The following RASEF variants were observed in gnomAD, a reference collection of about 807,000 sequenced individuals.
The protein encoded by RASEF is ras and EF-hand domain-containing protein.
RASEF carries 68 observed loss-of-function variants against 90.1 expected under a neutral mutation model. The ratio of observed to expected loss-of-function variants is 0.75; its 90% CI spans 0.62 to 0.92. The LOEUF is 0.92. Ranked by LOEUF, RASEF falls within the 40% of genes least tolerant of loss-of-function variation. RASEF has a pLI of 0.00. For missense variants in RASEF, 949 were observed against 937.2 expected, an observed-to-expected ratio of 1.01 and a Z score of -0.16; for synonymous variants, 331 against 345.2, an observed-to-expected ratio of 0.96 and a Z score of 0.46.
the RASEF span, among the ~76,000 whole-genome samples, chr9:83,109,731 T>G: frequency 6.6e-6 from 1 of 152,196 alleles, no homozygotes; most frequent in Non-Finnish European, 1.5e-5. Flanking sequence ...GCTGACAATT[T>G]GTTAATCAAA....
the RASEF span, among the ~76,000 whole-genome samples, chr9:83,146,172 T>C: frequency 1.3e-5 from 2 of 151,560 alleles, no homozygotes; most frequent in Non-Finnish European, 2.9e-5. Context: ...AGTTTGTTTT[T>C]CGTAAGATGT....
In RASEF at chr9:83,062,541, C is replaced by CTCGTCGCCT. The variant is rs1830228418; in HGVS notation, c.318_326dup (p.Gly107_Glu109dup). ...AGGTGGCCAGCGCCGCCGCCGCGTC[C>CTCGTCGCCT]TCGTCGCCTTCGTCCTCCTCGCTGT... is the stretch of plus-strand genomic sequence containing the variant. On this transcript the variant is annotated inframe_insertion, in exon 1 of 17. Transcript: ENST00000376447. 2 of 1,606,084 alleles carry CTCGTCGCCT rather than the reference C, an allele frequency of 1.2e-6. No homozygotes were observed. Among genetic ancestry groups the CTCGTCGCCT allele is most frequent in the Admixed American group, 1.7e-5 (1 of 59,464 alleles).
intron 1 of RASEF, among the ~76,000 whole-genome samples, chr9:83,056,571 A>G (rs1006881406): frequency 2.6e-5 from 4 of 152,230 alleles, no homozygotes; most frequent in African/African-American, 9.7e-5. Context: ...GGCTACTTTC[A>G]TTGTACAAAT....
intron 1 of RASEF, among the ~76,000 whole-genome samples, chr9:83,034,553 C>A (rs1402735884): frequency 1.3e-5 from 2 of 152,200 alleles, no homozygotes; most frequent in Non-Finnish European, 2.9e-5. Flanking sequence ...CATTCAATGT[C>A]TAGGAACAAT....
chr9:83,215,530 T>C, the RASEF span, among the ~76,000 whole-genome samples: 5 of 152,226 alleles, frequency 3.3e-5, no homozygotes, highest in Non-Finnish European at 7.3e-5. Flanking sequence ...GCCACACTCC[T>C]GTCACACATC....
upstream of RASEF, among the ~76,000 whole-genome samples, chr9:83,067,016 T>A (rs1830286930): frequency 6.6e-6 from 1 of 152,150 alleles, no homozygotes; most frequent in Non-Finnish European, 1.5e-5. Context: ...TGGCCCAACT[T>A]CCCATAACGG....
chr9:83,167,845 C>T, the RASEF span, among the ~76,000 whole-genome samples: 3 of 152,154 alleles, frequency 2.0e-5, no homozygotes, highest in African/African-American at 7.2e-5. Flanking sequence ...GTACTTACCG[C>T]TTTTACTGCT....
rs1390509017 is a variant in RASEF at position 83,005,503 on chromosome 9, G to T, written c.1029-3C>A. On this transcript the variant is annotated splice_polypyrimidine_tract_variant and splice_region_variant and intron_variant, in intron 7 of 16. Transcript: ENST00000376447. ...CATGTAGCTTCCGGTTAGCTGTTCT[G>T]CAGGGTAAAGAAACAAGCAGAAAGA... The T allele has an allele frequency of 6.2e-6, 10 of 1,611,146 alleles. No individual in the cohort carries two copies. Among genetic ancestry groups the T allele is most frequent in the Non-Finnish European group, 8.5e-6 (10 of 1,177,508 alleles).
chr9:83,168,788 C>A, the RASEF span, among the ~76,000 whole-genome samples: 2 of 152,056 alleles, frequency 1.3e-5, no homozygotes, highest in Non-Finnish European at 2.9e-5. Flanking sequence ...GTTAAAATGG[C>A]TATTATTAAA....
At chr9:83,081,564 C>T in the RASEF span, among the ~76,000 whole-genome samples, 1 of 152,106 alleles carries the variant, frequency 6.6e-6, no homozygotes, top group Non-Finnish European at 1.5e-5. Flanking sequence ...AAACAAATTC[C>T]CTCATCTGAG....
the RASEF span, among the ~76,000 whole-genome samples, chr9:83,168,616 C>A: frequency 6.6e-6 from 1 of 151,916 alleles, no homozygotes; most frequent in East Asian, 1.9e-4. Flanking sequence ...AACTCAATAG[C>A]AAAAAAGCAA....
chr9:83,014,669 T>C (rs1042224554), intron 4 of RASEF, among the ~76,000 whole-genome samples: 1 of 152,082 alleles, frequency 6.6e-6, no homozygotes, highest in African/African-American at 2.4e-5. Flanking sequence ...CACATCCCCA[T>C]TAGTTATGGG....
chr9:83,108,219 C>T, the RASEF span, among the ~76,000 whole-genome samples: 1 of 151,958 alleles, frequency 6.6e-6, no homozygotes, highest in Non-Finnish European at 1.5e-5. Flanking sequence ...TCATTTTACC[C>T]CTTGTGAATT....
intron 3 of RASEF, among the ~76,000 whole-genome samples, chr9:83,019,771 G>A (rs897656925): frequency 3.3e-5 from 5 of 152,148 alleles, no homozygotes; most frequent in African/African-American, 9.7e-5. Flanking sequence ...TTAATTACAC[G>A]GATAAGTCTC....
At chr9:83,070,237 T>C in the RASEF span, among the ~76,000 whole-genome samples, 1 of 152,190 alleles carries the variant, frequency 6.6e-6, no homozygotes, top group Non-Finnish European at 1.5e-5. Context: ...ATCCCTTTTC[T>C]TACTAGAAAT....
chr9:83,171,066 A>G, the RASEF span, among the ~76,000 whole-genome samples: 2 of 151,906 alleles, frequency 1.3e-5, no homozygotes, highest in African/African-American at 4.8e-5. Context: ...AGTTTGTCAT[A>G]TGTGACCTTT....
intron 1 of RASEF, among the ~76,000 whole-genome samples, chr9:83,029,595 G>A (rs1237117763): frequency 5.4e-5 from 8 of 149,240 alleles, no homozygotes; most frequent in African/African-American, 1.5e-4. Flanking sequence ...TAGTAGGGAC[G>A]GGGTTTCACC....
At chr9:82,985,567 T>C (rs1828696650) in intron 16 of RASEF, among the ~76,000 whole-genome samples, 1 of 152,176 alleles carries the variant, frequency 6.6e-6, no homozygotes, top group South Asian at 2.1e-4. Flanking sequence ...GACACCAATG[T>C]GGGGTTGGAC....
chr9:83,001,649 G>T (rs1829043086), intron 9 of RASEF, among the ~76,000 whole-genome samples: 1 of 152,040 alleles, frequency 6.6e-6, no homozygotes, highest in Non-Finnish European at 1.5e-5. Flanking sequence ...ACTCTTAATG[G>T]TTTCTCTCTT....
Sources: allele counts gnomAD v4.1 joint callset (sites outside exome capture counted in the v4.1 genomes callset), GRCh38; gene constraint gnomAD v4.1.1; transcripts MANE v1.5; gene names NCBI Gene and HGNC (gene_info 2026-07-23, HGNC 2026-07-21).